The following CDH13 variants were observed in gnomAD, a reference collection of about 807,000 sequenced individuals.
CDH13 encodes the protein cadherin-13.
CDH13 carries 24 observed loss-of-function variants against 63.8 expected under a neutral mutation model. The ratio of observed to expected loss-of-function variants is 0.38; its 90% CI spans 0.27 to 0.53. The LOEUF (loss-of-function observed/expected upper bound fraction) is 0.53, where lower values mean the gene tolerates loss of function less well. CDH13 is among the 20% of genes least tolerant of loss of function. The probability of loss-of-function intolerance (pLI) is 0.85; values close to 1 mark genes in which losing one functional copy is unlikely to be tolerated. For synonymous variants in CDH13, 503 were observed against 355.3 expected (o/e 1.42, Z -4.67); for missense variants, 1,049 against 903.1 (o/e 1.16, Z -2.07).
chr16:82,865,283 G>A (rs1156431636), intron 2 of CDH13, among the ~76,000 whole-genome samples: 1 of 152,208 alleles, frequency 6.6e-6, no homozygotes, highest in Non-Finnish European at 1.5e-5. Context: ...GCCCCAGTGG[G>A]GACTCTGTGT....
At chr16:83,666,663 T>G (rs1913980651) in intron 8 of CDH13, among the ~76,000 whole-genome samples, 1 of 152,198 alleles carries the variant, frequency 6.6e-6, no homozygotes, top group East Asian at 1.9e-4. Flanking sequence ...CAAAGCCACC[T>G]TTGGCTCTTC....
At chr16:83,649,306 C>G (rs1157696529) in intron 8 of CDH13, among the ~76,000 whole-genome samples, 1 of 152,170 alleles carries the variant, frequency 6.6e-6, no homozygotes, top group Non-Finnish European at 1.5e-5. Flanking sequence ...TTATATTATT[C>G]CTTGATTGCA....
intron 5 of CDH13, among the ~76,000 whole-genome samples, chr16:83,247,139 A>C (rs547655943): frequency 6.6e-6 from 1 of 152,250 alleles, no homozygotes; most frequent in East Asian, 1.9e-4. Flanking sequence ...TACCTGTGCC[A>C]TCCTGGGGAG....
intron 7 of CDH13, among the ~76,000 whole-genome samples, chr16:83,562,500 C>A (rs1013547526): frequency 2.0e-5 from 3 of 152,166 alleles, no homozygotes; most frequent in Non-Finnish European, 4.4e-5. Flanking sequence ...TTCTATTTGC[C>A]TATTTCATGA....
intron 2 of CDH13, among the ~76,000 whole-genome samples, chr16:82,878,470 A>T (rs1305147384): frequency 7.6e-6 from 1 of 131,300 alleles, no homozygotes; most frequent in Non-Finnish European, 1.6e-5. Flanking sequence ...ACATTTCAGT[A>T]AGGTTGTCTC....
At chr16:83,794,843 A>T (rs1332942693) in intron 13 of CDH13, among the ~76,000 whole-genome samples, 180 bp from the exon 14 acceptor site, 1 of 152,144 alleles carries the variant, frequency 6.6e-6, no homozygotes, top group Non-Finnish European at 1.5e-5. Flanking sequence ...GCTTTTTACC[A>T]TATAACCATT....
chr16:83,076,458 T>C (rs2032843490), intron 3 of CDH13, among the ~76,000 whole-genome samples: 1 of 152,180 alleles, frequency 6.6e-6, no homozygotes, highest in Non-Finnish European at 1.5e-5. Flanking sequence ...AGGGAGCCTG[T>C]CCTGACATTT....
At chr16:82,872,758 T>C (rs1186691313) in intron 2 of CDH13, among the ~76,000 whole-genome samples, 2 of 152,098 alleles carry the variant, frequency 1.3e-5, no homozygotes, top group East Asian at 3.9e-4. Context: ...CTTCTGGAGA[T>C]AGAAATAGGG....
At position 83,325,547 on chromosome 16, in the gene CDH13, C is replaced by T. The variant is rs138962099; in HGVS notation, c.637-19315C>T. On this transcript the variant is annotated intron_variant, in intron 5 of 13. Coordinates refer to ENST00000567109, the MANE Select transcript of CDH13 (RefSeq NM_001257.5). The stretch of plus-strand genomic sequence containing the variant: ...TCTGCTTTTCTAGCACGAGAGAAGC[C>T]GTAGACAGTAGATACATGAATGAGC... Among the ~76,000 whole-genome samples, 9 of 152,210 alleles carry T rather than the reference C, an allele frequency of 5.9e-5. No individual in the cohort carries two copies. In the East Asian group the frequency reaches 1.5e-3, roughly 26 times the overall value.
At chr16:83,255,511 G>C (rs756458) in intron 5 of CDH13, among the ~76,000 whole-genome samples, 37,646 of 152,106 alleles carry the variant, frequency 0.25, 5,052 homozygotes, top group East Asian at 0.39. Context: ...ATGATGTCCA[G>C]TAAAGAATGG....
At chr16:83,386,247 G>T (rs913127156) in intron 6 of CDH13, among the ~76,000 whole-genome samples, 1 of 152,172 alleles carries the variant, frequency 6.6e-6, no homozygotes, top group African/African-American at 2.4e-5. Context: ...AAAGATGTGT[G>T]GCCACGATCT....
At chr16:83,790,099 T>G (rs1916161510) in intron 13 of CDH13, 2 of 152,234 alleles carry the variant, frequency 1.3e-5, no homozygotes, top group African/African-American at 4.8e-5. Context: ...CTGTATTTTC[T>G]TCAGTGGTCT....
intron 1 of CDH13, among the ~76,000 whole-genome samples, chr16:82,760,257 G>T (rs540634917): frequency 3.2e-4 from 49 of 152,162 alleles, no homozygotes; most frequent in African/African-American, 1.1e-3. Context: ...ACATAGTACC[G>T]CCCCCGCAAA....
intron 6 of CDH13, among the ~76,000 whole-genome samples, chr16:83,464,069 A>T (rs1555553216): frequency 3.3e-5 from 5 of 152,022 alleles, no homozygotes; most frequent in Non-Finnish European, 7.4e-5. Flanking sequence ...GGGGGATTTT[A>T]TTGTTTTGTT....
At chr16:83,711,822 C>T (rs1908100096) in intron 10 of CDH13, among the ~76,000 whole-genome samples, 1 of 152,200 alleles carries the variant, frequency 6.6e-6, no homozygotes, top group African/African-American at 2.4e-5. Context: ...AGCTGGCCAG[C>T]ATGTTTTTAG....
rs1321899230 is a variant in CDH13, at chr16:83,443,721, AAAAAAAAAAAAAAAATATAT to A, written c.782-42754_782-42735del. Among the ~76,000 whole-genome samples, 220 of 92,228 alleles carry A rather than the reference AAAAAAAAAAAAAAAATATAT, an allele frequency of 2.4e-3. 2 individuals are homozygous for A. Among genetic ancestry groups the A allele is most frequent in the Non-Finnish European group, 3.0e-3 (156 of 52,330 alleles). The allele number at this position is 92,228 out of a possible 152,430, so 60.5% of individuals were successfully genotyped here. A position where few individuals can be genotyped will look rare whatever the true frequency, so the allele number is the denominator to read the frequency against. ...AGTCCCTACGAAAAAAAAAAAAAAAAAAAAAAAAAAAAAAATATATATATATATATATATATATATATGGA... is the reference window on the plus strand; with the variant it reads ...AGTCCCTACGAAAAAAAAAAAAAAAAATATATATATATATATATATATGGA... On this transcript the variant is annotated intron_variant, in intron 6 of 13. Transcript: ENST00000567109.
At chr16:82,634,775 G>C (rs111651326) in intron 1 of CDH13, among the ~76,000 whole-genome samples, 1 of 152,152 alleles carries the variant, frequency 6.6e-6, no homozygotes. Flanking sequence ...AATAAGAGGG[G>C]CCTGAGAAGT....
intron 1 of CDH13, among the ~76,000 whole-genome samples, chr16:82,692,679 G>C (rs1463196533): frequency 6.6e-6 from 1 of 152,196 alleles, no homozygotes. Context: ...TAGGTGATAT[G>C]GCAGTGTGGT....
chr16:82,999,894 T>TC (rs1912677171), intron 2 of CDH13, among the ~76,000 whole-genome samples: 1 of 152,072 alleles, frequency 6.6e-6, no homozygotes, highest in African/African-American at 2.4e-5. Flanking sequence ...CGGGACAATT[T>TC]CACCCCCTGA....
Sources: gnomAD v4.1 joint callset for allele counts (sites outside exome capture counted in the v4.1 genomes callset) on GRCh38, gnomAD v4.1.1 for gene constraint, MANE v1.5 for transcripts, NCBI Gene and HGNC (gene_info 2026-07-23, HGNC 2026-07-21) for gene names.